The following NADSYN1 variants were observed in gnomAD, a reference collection of about 807,000 sequenced individuals.
NADSYN1 encodes the protein glutamine-dependent NAD(+) synthetase.
In NADSYN1, 80 loss-of-function variants were observed where a neutral mutation model predicts 99.3. That is an observed-to-expected ratio of 0.81 (90% confidence interval 0.67 to 0.97). The LOEUF (loss-of-function observed/expected upper bound fraction) is 0.97, where lower values mean the gene tolerates loss of function less well. Among genes scored for constraint, NADSYN1 ranks in the 50% least tolerant of loss-of-function variants. The pLI, the probability that NADSYN1 is intolerant of heterozygous loss-of-function variation, is 0.00. For synonymous variants in NADSYN1, 385 were observed against 372.1 expected (o/e 1.03, Z -0.40); for missense variants, 859 against 948.5 (o/e 0.91, Z 1.24).
chr11:71,465,057 T>C (rs1949578781), intron 5 of NADSYN1, among the ~76,000 whole-genome samples: 1 of 151,902 alleles, frequency 6.6e-6, no homozygotes, highest in Admixed American at 6.6e-5. Flanking sequence ...GAGGCAGATT[T>C]ATTAGAGAAG....
intron 17 of NADSYN1, 142 bp from the exon 18 acceptor site, chr11:71,491,692 G>A (rs1240809022): frequency 9.7e-6 from 7 of 719,438 alleles, no homozygotes; most frequent in East Asian, 5.5e-5. Context: ...GCCCAGCACC[G>A]CAAGCCTTGG....
intron 20 of NADSYN1, among the ~76,000 whole-genome samples, chr11:71,500,985 G>A (rs957357283): frequency 6.6e-6 from 1 of 152,114 alleles, no homozygotes; most frequent in Non-Finnish European, 1.5e-5. Flanking sequence ...CCACCAAGAT[G>A]TACTCAGGGG....
Position 71,453,220 on chromosome 11 carries a change from G to T in NADSYN1, c.-77G>T. ...GGCCGGGCAACCCGGAAGGTCCGGCGTCCCAGCCGCCTACCTCGCTGGGAC... is the reference window on the plus strand; with the variant it reads ...GGCCGGGCAACCCGGAAGGTCCGGCTTCCCAGCCGCCTACCTCGCTGGGAC... On this transcript the variant is annotated 5_prime_UTR_variant, in exon 1 of 21. Coordinates refer to ENST00000319023, the MANE Select transcript of NADSYN1 (RefSeq NM_018161.5). 5.2e-6 allele frequency: 7 copies of T among 1,345,156 alleles called. No individual in the cohort carries two copies. The highest frequency in any genetic ancestry group is 2.0e-5 in the Admixed American group (1 of 50,858). The allele number at this position is 1,345,156 out of a possible 1,614,324, so 83.3% of individuals were successfully genotyped here.
rs1300730210 is a variant in NADSYN1 at position 71,482,860 on chromosome 11, C to T, written c.1162C>T (p.Leu388=). Residue 388 remains leucine, a synonymous_variant, in exon 14 of 21, where the codon CTG becomes TTG. Transcript: ENST00000319023. ...CTGGTGGTTTTCAGATGAGGAAGTGCTGGCTGATGTCCGCACCATCGTGAA... is the reference window on the plus strand; with the variant it reads ...CTGGTGGTTTTCAGATGAGGAAGTGTTGGCTGATGTCCGCACCATCGTGAA... ...EAVRSGNEEV[L]ADVRTIVNQI... 1 of 1,612,330 alleles carries T rather than the reference C, an allele frequency of 6.2e-7. No homozygotes were observed. The highest frequency in any genetic ancestry group is 8.5e-7 in the Non-Finnish European group (1 of 1,179,434).
At chr11:71,490,717 T>C (rs570408287) in intron 16 of NADSYN1, 128 bp from the exon 17 acceptor site, 20 of 1,393,396 alleles carry the variant, frequency 1.4e-5, no homozygotes, top group Non-Finnish European at 1.9e-5. Flanking sequence ...CTGGGACTTC[T>C]CCGGGATGCT....
intron 18 of NADSYN1, 95 bp downstream of exon 18, chr11:71,491,998 AC>A (rs879531078): frequency 0.065 from 77,904 of 1,192,074 alleles, 3,532 homozygotes; most frequent in African/African-American, 0.17. Context: ...TGACCCCAGG[AC>A]AGCTGCATCG....
rs2120395614 is a variant in NADSYN1 at position 71,458,503 on chromosome 11, G to T, written c.222G>T (p.Val74=). ...LHSFQVLAAL[V]ESPVTQDIIC... ...CGTTTCAAGTCCTAGCGGCCCTTGT[G>T]GAGTCTCCCGTCACTCAGGACATCA... The change falls in exon 3 of 21, where the codon GTG becomes GTT. Residue 74 remains valine (V), a synonymous_variant. Coordinates refer to ENST00000319023, the MANE Select transcript of NADSYN1 (RefSeq NM_018161.5). 1 of 1,613,310 alleles carries T rather than the reference G, an allele frequency of 6.2e-7. No individual in the cohort carries two copies. Among genetic ancestry groups the T allele is most frequent in the African/African-American group, 1.3e-5 (1 of 75,012 alleles).
At position 71,482,808 on chromosome 11, in the gene NADSYN1, A is replaced by G. The variant is rs747834725; in HGVS notation, c.1151-41A>G. ...GTGGAACTATGTAAACATCCCACAC[A>G]CTCAGGTGACTTCCACCCATTCTGT... On this transcript the variant is annotated intron_variant, in intron 13 of 20. Coordinates refer to ENST00000319023, the MANE Select transcript of NADSYN1 (RefSeq NM_018161.5). The G allele has an allele frequency of 5.0e-6, 8 of 1,605,732 alleles. 1 individual carries two copies. The East Asian group carries it at 1.8e-4, about 36-fold the overall frequency.
chr11:71,458,700 C>T (rs541388685), intron 3 of NADSYN1, 156 bp downstream of exon 3: 1 of 610,324 alleles, frequency 1.6e-6, no homozygotes, highest in African/African-American at 1.8e-5. Context: ...GTTCCTATCT[C>T]AGCCCCGTAA....
In NADSYN1 at chr11:71,484,380, G is replaced by A. The variant is rs761465663; in HGVS notation, c.1388G>A (p.Gly463Glu). The A allele has an allele frequency of 2.5e-6, 4 of 1,614,230 alleles. No homozygotes were observed. The Admixed American group carries it at 6.7e-5, about 27-fold the overall frequency. Residue 463 changes from glycine (G) to glutamate (E), a missense_variant, in exon 15 of 21, where the codon GGG becomes GAG. Gly to Glu is a moderately conservative substitution (Grantham distance 98, BLOSUM62 -2). Coordinates refer to ENST00000319023, the MANE Select transcript of NADSYN1 (RefSeq NM_018161.5). ...ATGGGCATCTTCAGCCTGGTGACGG[G>A]GAAGAGCCCTCTGTTTGCAGCTCAT... ...AVMGIFSLVT[G>E]KSPLFAAHGG... is the part of the protein sequence containing the mutation.
intron 9 of NADSYN1, chr11:71,477,152 G>A (rs1051072065): frequency 1.3e-5 from 15 of 1,137,494 alleles, no homozygotes; most frequent in African/African-American, 4.9e-5. Context: ...TCGGGCCCGC[G>A]TTTCTCAGGG....
At chr11:71,491,956 TGTG>T in intron 18 of NADSYN1, 53 bp downstream of exon 18, 1 of 1,526,762 alleles carries the variant, frequency 6.5e-7, no homozygotes, top group Non-Finnish European at 9.0e-7. Context: ...CCACCTCCTG[TGTG>T]GTGGTGCTGG....
chr11:71,492,404 C>T (rs534177590), intron 18 of NADSYN1, among the ~76,000 whole-genome samples: 1 of 152,092 alleles, frequency 6.6e-6, no homozygotes, highest in African/African-American at 2.4e-5. Flanking sequence ...TTCTAGTTTT[C>T]GTCCTTACAT....
chr11:71,482,748 T>G, intron 13 of NADSYN1, 101 bp from the exon 14 acceptor site: 1 of 1,385,772 alleles, frequency 7.2e-7, no homozygotes, highest in Non-Finnish European at 9.8e-7. Flanking sequence ...TAGACCGGGG[T>G]GGAGCCGCAT....
At chr11:71,464,733 G>A (rs1949575811) in intron 5 of NADSYN1, among the ~76,000 whole-genome samples, 1 of 151,986 alleles carries the variant, frequency 6.6e-6, no homozygotes, top group African/African-American at 2.4e-5. Context: ...TGGGCGTGGT[G>A]GTGGGCACCT....
At chr11:71,485,026 T>G in intron 15 of NADSYN1, 1 of 171,172 alleles carries the variant, frequency 5.8e-6, no homozygotes, top group Non-Finnish European at 1.3e-5. Context: ...TGTGTGTGAG[T>G]GTGTGTCTCT....
intron 5 of NADSYN1, among the ~76,000 whole-genome samples, chr11:71,469,398 A>G (rs1949613006): frequency 6.6e-6 from 1 of 152,224 alleles, no homozygotes; most frequent in Non-Finnish European, 1.5e-5. Context: ...CTAATCCCGC[A>G]GCACTAGAGG....
At chr11:71,459,463 A>G (rs1310119502) in intron 3 of NADSYN1, among the ~76,000 whole-genome samples, 10 of 151,614 alleles carry the variant, frequency 6.6e-5, no homozygotes, top group African/African-American at 2.2e-4. Flanking sequence ...CCGGTCCCCT[A>G]TGGAGGCCTC....
chr11:71,498,710 A>G lies in NADSYN1; in HGVS notation c.2070+182A>G, dbSNP rs1475182580. ...TAAATTTACTTTTTTCGTGTTGACA[A>G]ATAAAAATTCTATATATTGATGGTG... On this transcript the variant is annotated intron_variant, in intron 20 of 20. Transcript: ENST00000319023. 11 of 611,298 alleles carry G rather than the reference A, an allele frequency of 1.8e-5. No individual in the cohort carries two copies. In the South Asian group the frequency reaches 2.4e-4, roughly 13 times the overall value. The allele number at this position is 611,298 out of a possible 1,614,324, so 37.9% of individuals were successfully genotyped here. A position where few individuals can be genotyped will look rare whatever the true frequency, so the allele number is the denominator to read the frequency against.
Sources: allele counts gnomAD v4.1 joint callset (sites outside exome capture counted in the v4.1 genomes callset), GRCh38; gene constraint gnomAD v4.1.1; transcripts MANE v1.5; gene names NCBI Gene and HGNC (gene_info 2026-07-23, HGNC 2026-07-21).